Variants in ASXL2 observed in about 807,000 individuals in gnomAD.
ASXL2 encodes the protein putative Polycomb group protein ASXL2.
ASXL2 carries 23 observed loss-of-function variants against 122.0 expected under a neutral mutation model. The ratio of observed to expected loss-of-function variants is 0.19; its 90% CI spans 0.14 to 0.27. The LOEUF is 0.27. ASXL2 is among the 10% of genes least tolerant of loss of function. The pLI is 1.00. For missense variants in ASXL2, 1,518 were observed against 1,713.8 expected (o/e 0.89, Z 2.02); for synonymous variants, 650 against 637.0 (o/e 1.02, Z -0.31).
chr2:25,746,562 A>G (rs2087946051), intron 12 of ASXL2, among the ~76,000 whole-genome samples: 2 of 151,924 alleles, frequency 1.3e-5, no homozygotes, highest in South Asian at 4.1e-4. Flanking sequence ...TGTTTAGGGG[A>G]ATTTATATAG....
chr2:25,749,988 G>A lies in ASXL2; in HGVS notation c.1568C>T (p.Thr523Ile). The A allele has an allele frequency of 1.2e-6, 2 of 1,614,010 alleles. No individual in the cohort carries two copies. Among genetic ancestry groups the A allele is most frequent in the Non-Finnish European group, 1.7e-6 (2 of 1,179,896 alleles). ...NKSESQESLV[T>I]SPSKPKSPGV... ...AGGACTCTTGGGTTTGCTTGGCGAT[G>A]TAACTAAAGATTCTTGGCTTTCACT... Residue 523 changes from threonine to isoleucine, a missense_variant, in exon 12 of 13, where the codon ACA (threonine) becomes ATA (isoleucine). Physicochemically the swap from Thr to Ile is moderately conservative, Grantham distance 89. This residue lies in a region of ASXL2 where 292 missense variants were observed against 293.5 expected (regional missense o/e 1.00). Transcript: ENST00000435504.
chr2:25,866,586 A>G (rs2149202382), intron 1 of ASXL2, among the ~76,000 whole-genome samples: 1 of 152,312 alleles, frequency 6.6e-6, no homozygotes. Context: ...AAGCAATCCA[A>G]TACTAAGACT....
intron 5 of ASXL2, among the ~76,000 whole-genome samples, chr2:25,790,863 G>A (rs2088820830): frequency 6.9e-6 from 1 of 145,532 alleles, no homozygotes; most frequent in South Asian, 2.2e-4. Flanking sequence ...GAATACAGTG[G>A]CATCATCATA....
At chr2:25,870,279 C>G (rs1385843789) in intron 1 of ASXL2, among the ~76,000 whole-genome samples, 1 of 152,114 alleles carries the variant, frequency 6.6e-6, no homozygotes, top group African/African-American at 2.4e-5. Context: ...AATCCCAGCA[C>G]TTTGGGAGGC....
intron 8 of ASXL2, among the ~76,000 whole-genome samples, chr2:25,766,241 T>TA (rs555604657): frequency 6.6e-5 from 10 of 151,458 alleles, no homozygotes; most frequent in East Asian, 3.9e-4. Flanking sequence ...TCGAGATCTT[T>TA]AAAAAAAAAC....
intron 1 of ASXL2, among the ~76,000 whole-genome samples, chr2:25,853,354 C>A (rs1371453571): frequency 1.3e-5 from 2 of 152,122 alleles, no homozygotes; most frequent in African/African-American, 4.8e-5. Flanking sequence ...AAAGTCCTTA[C>A]CTGGCTGTTT....
chr2:25,843,054 A>C (rs1406604398), intron 2 of ASXL2, among the ~76,000 whole-genome samples: 1 of 150,780 alleles, frequency 6.6e-6, no homozygotes, highest in Non-Finnish European at 1.5e-5. Flanking sequence ...TAATCCCAGC[A>C]CTTTGGGAGG....
chr2:25,856,741 T>C lies in ASXL2; in HGVS notation c.58-11178A>G, dbSNP rs1006180063. ...GTCACCGAGCCGATCTGGTTGACCT[T>C]CAGCAGCAGACAGCTGCAGACCTTC... is the stretch of plus-strand genomic sequence containing the variant. On this transcript the variant is annotated intron_variant, in intron 1 of 12. Transcript: ENST00000435504. 22 of 1,312,878 alleles carry C rather than the reference T, an allele frequency of 1.7e-5. No homozygotes were observed. In the South Asian group the frequency reaches 2.6e-4, roughly 16 times the overall value. 81.3% of individuals were successfully genotyped at this position (1,312,878 alleles called of 1,614,324 possible).
At chr2:25,804,257 C>A (rs953116700) in intron 4 of ASXL2, among the ~76,000 whole-genome samples, 3 of 152,204 alleles carry the variant, frequency 2.0e-5, no homozygotes, top group Non-Finnish European at 4.4e-5. Context: ...TGCATGGACA[C>A]AGTCACTGCC....
In ASXL2 at chr2:25,744,269, T is replaced by C; in HGVS notation, c.2068A>G (p.Ile690Val). Residue 690 changes from isoleucine to valine, a missense_variant, in exon 13 of 13, where the codon ATT becomes GTT. Coordinates refer to ENST00000435504, the MANE Select transcript of ASXL2 (RefSeq NM_018263.6). This position sits in a 1 kb window ranked among gnomAD's most constrained non-coding sequence, Gnocchi z 4.7. Reference sequence around the variant, plus strand: ...CCACCCCCTGGGCCAGGTCCTGGAATGGTCCCTCCAACTGAGGCGGCTGCA... The same window carrying C: ...CCACCCCCTGGGCCAGGTCCTGGAACGGTCCCTCCAACTGAGGCGGCTGCA... ...AAAAASVGGT[I>V]PGPGPGGGQG... 1 of 1,613,914 alleles carries C rather than the reference T, an allele frequency of 6.2e-7. No individual in the cohort carries two copies. The highest frequency in any genetic ancestry group is 2.2e-5 in the East Asian group (1 of 44,876).
intron 4 of ASXL2, among the ~76,000 whole-genome samples, chr2:25,801,700 T>C (rs1056635668): frequency 6.6e-6 from 1 of 152,198 alleles, no homozygotes; most frequent in Non-Finnish European, 1.5e-5. Flanking sequence ...CAGCCCCTTT[T>C]ACCCACTCCA....
rs2089786256 is a variant in ASXL2 at position 25,856,923 on chromosome 2, A to T, written c.58-11360T>A. 2.0e-5 allele frequency: 13 copies of T among 645,520 alleles called. No individual in the cohort carries two copies. In the Admixed American group the frequency reaches 3.0e-4, roughly 15 times the overall value. The allele number at this position is 645,520 out of a possible 1,614,324, so 40.0% of individuals were successfully genotyped here. A position where few individuals can be genotyped will look rare whatever the true frequency, so the allele number is the denominator to read the frequency against. On this transcript the variant is annotated intron_variant, in intron 1 of 12. Transcript: ENST00000435504. ...GACGAGTCTAGGTGGCAGCTGGGAC[A>T]GTGTCCTATACCTCATTTTTAATAC...
At chr2:25,745,067 C>T (rs2087919061) in intron 12 of ASXL2, among the ~76,000 whole-genome samples, 1 of 151,868 alleles carries the variant, frequency 6.6e-6, no homozygotes, top group Non-Finnish European at 1.5e-5. Context: ...CCCACCATGC[C>T]CATACACATA....
In ASXL2 at chr2:25,781,959, C is replaced by CTTTTTTTTTTTTTT. The variant is rs1327580113; in HGVS notation, c.404-10420_404-10419insAAAAAAAAAAAAAA. Among the ~76,000 whole-genome samples the CTTTTTTTTTTTTTT allele has an allele frequency of 3.4e-5, 3 of 88,400 alleles. 1 individual carries two copies. The highest frequency in any genetic ancestry group is 3.9e-4 in the South Asian group (1 of 2,534). 58.0% of individuals were successfully genotyped at this position (88,400 alleles called of 152,430 possible). A position where few individuals can be genotyped will look rare whatever the true frequency, so the allele number is the denominator to read the frequency against. On this transcript the variant is annotated intron_variant, in intron 5 of 12. Transcript: ENST00000435504. ...TAACAGGCGTGAGCCACCGCCCGGG[C>CTTTTTTTTTTTTTT]TTTTTTCTTTTTTTTTTTTTTTTTT...
intron 5 of ASXL2, among the ~76,000 whole-genome samples, chr2:25,798,088 G>T (rs1025653620): frequency 6.6e-6 from 1 of 152,120 alleles, no homozygotes; most frequent in African/African-American, 2.4e-5. Flanking sequence ...ACCAAATACC[G>T]CATGTTCTCA....
At chr2:25,833,787 A>C (rs1313196153) in intron 3 of ASXL2, among the ~76,000 whole-genome samples, 1 of 152,090 alleles carries the variant, frequency 6.6e-6, no homozygotes, top group African/African-American at 2.4e-5. Context: ...ATATCTCACC[A>C]TCCCTGGGCA....
chr2:25,743,711 C>T lies in ASXL2; in HGVS notation c.2626G>A (p.Ala876Thr). Residue 876 changes from alanine (A) to threonine (T), a missense_variant, in exon 13 of 13, where the codon GCT becomes ACT. Ala to Thr is a moderately conservative substitution (Grantham distance 58). Around this residue, in one of 8 missense-constraint regions of ASXL2, gnomAD observed 831 missense variants for 833.1 expected, o/e 1.00. Coordinates refer to ENST00000435504, the MANE Select transcript of ASXL2 (RefSeq NM_018263.6). ...GGAGTTACAGCCACTGGCACACTAG[C>T]ATCTGTCTTTGATGAGGCTGAAGGG... is the stretch of plus-strand genomic sequence containing the variant. ...PNPSASSKTD[A>T]SVPVAVTPSP... 6.2e-7 allele frequency: 1 copy of T among 1,613,966 alleles called. No homozygotes were observed. Among genetic ancestry groups the T allele is most frequent in the Non-Finnish European group, 8.5e-7 (1 of 1,179,894 alleles).
chr2:25,750,078 G>C lies in ASXL2; in HGVS notation c.1478C>G (p.Pro493Arg), dbSNP rs374172732. The C allele has an allele frequency of 3.1e-6, 5 of 1,613,926 alleles. No individual in the cohort carries two copies. Among genetic ancestry groups the C allele is most frequent in the Non-Finnish European group, 4.2e-6 (5 of 1,179,880 alleles). Residue 493 changes from proline (P) to arginine (R), a missense_variant, in exon 12 of 13, where the codon CCA becomes CGA. Physicochemically the swap from Pro to Arg is moderately radical, Grantham distance 103. Around this residue, in one of 8 missense-constraint regions of ASXL2, gnomAD observed 292 missense variants for 293.5 expected, o/e 1.00. Coordinates refer to ENST00000435504, the MANE Select transcript of ASXL2 (RefSeq NM_018263.6). ...AGATTCCTGTTCAGCAGAGGTGACT[G>C]GCTTCTGCTCCAAGAGATCCTCATC... ...PKDEDLLEQK[P>R]VTSAEQESEK...
intron 3 of ASXL2, among the ~76,000 whole-genome samples, chr2:25,812,421 T>C (rs1044679696): frequency 1.3e-5 from 2 of 151,902 alleles, no homozygotes; most frequent in African/African-American, 2.4e-5. Flanking sequence ...GACCGCGCCA[T>C]TGCACTCCAG....
Sources: gnomAD v4.1 joint callset for allele counts (sites outside exome capture counted in the v4.1 genomes callset) on GRCh38, gnomAD v4.1.1 for gene constraint, gnomAD v4.1.1 regional missense constraint, Gnocchi (gnomAD v3.1) non-coding constraint, MANE v1.5 for transcripts, NCBI Gene and HGNC (gene_info 2026-07-23, HGNC 2026-07-21) for gene names.